Variants in CNTN2 observed in about 807,000 individuals in gnomAD.
The protein encoded by CNTN2 is contactin-2.
Under a neutral mutation model 117.5 loss-of-function variants are expected in CNTN2, and 53 were observed. The ratio of observed to expected loss-of-function variants is 0.45; its 90% CI spans 0.36 to 0.57. CNTN2 has a LOEUF of 0.57. Ranked by LOEUF, CNTN2 falls within the 20% of genes least tolerant of loss-of-function variation. The pLI, the probability that CNTN2 is intolerant of heterozygous loss-of-function variation, is 0.00. For missense variants in CNTN2, 1,106 were observed against 1,404.3 expected, an observed-to-expected ratio of 0.79 and a Z score of 3.39; for synonymous variants, 530 against 561.7, an observed-to-expected ratio of 0.94 and a Z score of 0.80.
At position 205,065,696 on chromosome 1, in the gene CNTN2, G is replaced by T; in HGVS notation, c.1696-93G>T. ...GGGGTCCATGGATGTCATGGAGTAGGGGACTCCCAAGCGCTGCCTCATGTC... is the reference window on the plus strand; with the variant it reads ...GGGGTCCATGGATGTCATGGAGTAGTGGACTCCCAAGCGCTGCCTCATGTC... On this transcript the variant is annotated intron_variant, in intron 13 of 22. Transcript: ENST00000331830. The surrounding 1 kb of genome is among the most constrained non-coding windows in gnomAD (Gnocchi z 4.1). The T allele has an allele frequency of 1.3e-6, 2 of 1,584,536 alleles. No individual in the cohort carries two copies.
At chr1:205,069,607 C>T (rs775838812) in intron 17 of CNTN2, 46 bp downstream of exon 17, 1 of 1,587,276 alleles carries the variant, frequency 6.3e-7, no homozygotes, top group Non-Finnish European at 8.6e-7. Flanking sequence ...CCTGACCCCT[C>T]TCCCGCTTGA....
chr1:205,053,306 T>C, intron 2 of CNTN2, 51 bp downstream of exon 2: 2 of 1,456,080 alleles, frequency 1.4e-6, no homozygotes, highest in Non-Finnish European at 1.9e-6. Context: ...ATTATAGTGT[T>C]ATATCCTTGC....
chr1:205,051,837 G>T (rs2096453514), intron 1 of CNTN2, among the ~76,000 whole-genome samples: 1 of 152,160 alleles, frequency 6.6e-6, no homozygotes. Flanking sequence ...TGTGAGACAG[G>T]GCAGATCCTG....
At chr1:205,062,314 G>C in intron 9 of CNTN2, 126 bp from the exon 10 acceptor site, 1 of 1,312,572 alleles carries the variant, frequency 7.6e-7, no homozygotes, top group Non-Finnish European at 1.0e-6. Flanking sequence ...GGTAGGACTG[G>C]ACATATAAGC....
In CNTN2 at chr1:205,074,295, CTG is replaced by C. The variant is rs1021082740; in HGVS notation, c.*532_*533del. 1.2e-4 allele frequency: 48 copies of C among 404,182 alleles called. No individual in the cohort carries two copies. Among genetic ancestry groups the C allele is most frequent in the Non-Finnish European group, 1.8e-4 (42 of 229,036 alleles). 25.0% of individuals were successfully genotyped at this position (404,182 alleles called of 1,614,324 possible). ...TCGAGCAGCAGCAAGGACCCTGACGCTGTCCCCGATAACTCCCTAGGGGCTCC... is the reference window on the plus strand; with the variant it reads ...TCGAGCAGCAGCAAGGACCCTGACGCTCCCCGATAACTCCCTAGGGGCTCC... On this transcript the variant is annotated 3_prime_UTR_variant, in exon 23 of 23. Transcript: ENST00000331830.
In CNTN2 at chr1:205,069,841, G is replaced by A. The variant is rs535139472; in HGVS notation, c.2211G>A (p.Glu737=). The A allele has an allele frequency of 1.9e-6, 3 of 1,613,752 alleles. No individual in the cohort carries two copies. The highest frequency in any genetic ancestry group is 2.2e-5 in the East Asian group (1 of 44,870). ...LIVNWTPMSR[E]YQNGDGFGYL... Reference sequence around the variant, plus strand: ...TTGCCCCTCAGCCCATGTCACGGGAGTACCAGAACGGAGACGGCTTCGGCT... The same window carrying A: ...TTGCCCCTCAGCCCATGTCACGGGAATACCAGAACGGAGACGGCTTCGGCT... The change falls in exon 18 of 23, where the codon GAG becomes GAA. Residue 737 remains glutamate, a synonymous_variant. Coordinates refer to ENST00000331830, the MANE Select transcript of CNTN2 (RefSeq NM_005076.5).
rs752064350 is a variant in CNTN2 at position 205,062,020 on chromosome 1, C to G, written c.1110+19C>G. ...CTCCCAGGTAGGAGACATGGGGCTT[C>G]CCCCGACACATCACAACTGTCCTCT... On this transcript the variant is annotated intron_variant, in intron 9 of 22. Coordinates refer to ENST00000331830, the MANE Select transcript of CNTN2 (RefSeq NM_005076.5). The G allele has an allele frequency of 3.1e-6, 5 of 1,610,750 alleles. No homozygotes were observed. The African/African-American group carries it at 6.7e-5, about 22-fold the overall frequency.
At chr1:205,044,004 C>T (rs1052584585) in intron 1 of CNTN2, among the ~76,000 whole-genome samples, 8 of 152,150 alleles carry the variant, frequency 5.3e-5, no homozygotes, top group Non-Finnish European at 2.9e-5. Flanking sequence ...AGGCCAGTCA[C>T]ATCCCAAAGG....
At position 205,074,475 on chromosome 1, in the gene CNTN2, C is replaced by G; in HGVS notation, c.*710C>G. Reference sequence around the variant, plus strand: ...GGCCCTTGGTGGAAAGGGGCACCAGCCTTGGTCTGAGATAGTCACAACCCA... The same window carrying G: ...GGCCCTTGGTGGAAAGGGGCACCAGGCTTGGTCTGAGATAGTCACAACCCA... On this transcript the variant is annotated 3_prime_UTR_variant, in exon 23 of 23. Transcript: ENST00000331830. 5.0e-6 allele frequency: 2 copies of G among 398,478 alleles called. No homozygotes were observed. The highest frequency in any genetic ancestry group is 1.4e-4 in the South Asian group (1 of 7,104). 24.7% of individuals were successfully genotyped at this position (398,478 alleles called of 1,614,324 possible).
rs1276033358 is a variant in CNTN2, at chr1:205,066,569, C to T, written c.1945C>T (p.Pro649Ser). 1.2e-6 allele frequency: 2 copies of T among 1,614,082 alleles called. No homozygotes were observed. The highest frequency in any genetic ancestry group is 1.7e-5 in the Admixed American group (1 of 60,028). ...AKYTLQARTP[P>S]AGKWKQVRTN... The stretch of plus-strand genomic sequence containing the variant: ...GTACACCCTGCAAGCTCGCACTCCA[C>T]CTGCAGGGAAGTGGAAGCAGGTTCG... The change falls in exon 15 of 23, where the codon CCT (proline) becomes TCT (serine). Residue 649 changes from proline (P) to serine (S), a missense_variant. By Grantham distance (74) the Pro-to-Ser change is moderately conservative. Transcript: ENST00000331830.
At position 205,058,241 on chromosome 1, in the gene CNTN2, G is replaced by A. The variant is rs1290910019; in HGVS notation, c.276G>A (p.Gly92=). 2 of 1,559,694 alleles carry A rather than the reference G, an allele frequency of 1.3e-6. No homozygotes were observed. The highest frequency in any genetic ancestry group is 1.7e-6 in the Non-Finnish European group (2 of 1,154,132). The part of the protein sequence containing the change: ...LEPGSRHQLV[G]GNLVIMNPTK... ...CAGGTTCCCGTCACCAGCTGGTGGG[G>A]GGCAACCTGGTCATCATGAACCCCA... The change falls in exon 4 of 23, where the codon GGG becomes GGA. Residue 92 remains glycine, a synonymous_variant. Transcript: ENST00000331830. The surrounding 1 kb of genome is among the most constrained non-coding windows in gnomAD (Gnocchi z 4.3).
In CNTN2 at chr1:205,067,139, G is replaced by A. The variant is rs1421329941; in HGVS notation, c.2014G>A (p.Val672Met). 3.7e-6 allele frequency: 6 copies of A among 1,613,932 alleles called. No individual in the cohort carries two copies. The highest frequency in any genetic ancestry group is 5.1e-6 in the Non-Finnish European group (6 of 1,179,962). Residue 672 changes from valine (V) to methionine (M), a missense_variant, in exon 16 of 23, where the codon GTG (valine) becomes ATG (methionine). By Grantham distance (21) the Val-to-Met change is conservative (BLOSUM62 1). Transcript: ENST00000331830. ...NIEGNAETAQVLGLTPWMDYE... is the reference protein window; with the variant it reads ...NIEGNAETAQMLGLTPWMDYE... ...CGAGGGCAATGCCGAGACTGCACAG[G>A]TGCTGGGCCTCACCCCCTGGATGGA...
At chr1:205,066,635 G>T in intron 15 of CNTN2, 36 bp downstream of exon 15, 1 of 1,608,036 alleles carries the variant, frequency 6.2e-7, no homozygotes, top group South Asian at 1.1e-5. Context: ...GTGCTGATAA[G>T]GCTCGACTGG....
rs1301871669 is a variant in CNTN2, at chr1:205,073,394, G to A, written c.3013+158G>A. 5.0e-5 allele frequency: 46 copies of A among 919,576 alleles called. No homozygotes were observed. Among genetic ancestry groups the A allele is most frequent in the South Asian group, 4.4e-4 (26 of 58,480 alleles). The allele number at this position is 919,576 out of a possible 1,614,324, so 57.0% of individuals were successfully genotyped here. A position where few individuals can be genotyped will look rare whatever the true frequency, so the allele number is the denominator to read the frequency against. On this transcript the variant is annotated intron_variant, in intron 22 of 22. Coordinates refer to ENST00000331830, the MANE Select transcript of CNTN2 (RefSeq NM_005076.5). The surrounding 1 kb of genome is among the most constrained non-coding windows in gnomAD (Gnocchi z 6.3). ...TGCAAAGTAGTCTTAGAACTGCCTCGCCGCCACCTTTCTACCCAGCCCCCA... is the reference window on the plus strand; with the variant it reads ...TGCAAAGTAGTCTTAGAACTGCCTCACCGCCACCTTTCTACCCAGCCCCCA...
In CNTN2 at chr1:205,059,436, A is replaced by AGGATTTGAAGCAGG; in HGVS notation, c.697+143_697+144insGGATTTGAAGCAGG. The AGGATTTGAAGCAGG allele has an allele frequency of 8.6e-7, 1 of 1,159,236 alleles. No homozygotes were observed. Among genetic ancestry groups the AGGATTTGAAGCAGG allele is most frequent in the Non-Finnish European group, 1.3e-6 (1 of 796,566 alleles). The allele number at this position is 1,159,236 out of a possible 1,614,324, so 71.8% of individuals were successfully genotyped here. On this transcript the variant is annotated intron_variant, in intron 6 of 22. Transcript: ENST00000331830. This position sits in a 1 kb window ranked among gnomAD's most constrained non-coding sequence, Gnocchi z 5.6. ...CTGGACCCCCAGATCCTCCTGCTTC[A>AGGATTTGAAGCAGG]AATCCTGAGGCCCTTGCCCCAGGCC...
chr1:205,066,459 G>A lies in CNTN2; in HGVS notation c.1835G>A (p.Gly612Glu). ...GGTGCAGGTCCGCCAGGTCCCCCAG[G>A]AGGTGTGGTGGTGAGGGACATTGGC... is the stretch of plus-strand genomic sequence containing the variant. ...VLVRGPPGPP[G>E]GVVVRDIGDT... Residue 612 changes from glycine (G) to glutamate (E), a missense_variant, in exon 15 of 23, where the codon GGA becomes GAA. By Grantham distance (98) the Gly-to-Glu change is moderately conservative. Transcript: ENST00000331830. 1 of 1,614,038 alleles carries A rather than the reference G, an allele frequency of 6.2e-7. No individual in the cohort carries two copies.
intron 2 of CNTN2, among the ~76,000 whole-genome samples, chr1:205,053,715 T>C (rs1429910809): frequency 1.3e-5 from 2 of 152,322 alleles, no homozygotes; most frequent in East Asian, 1.9e-4. Context: ...GCACACAGCA[T>C]AGAACATTTC....
rs377487667 is a variant in CNTN2, at chr1:205,062,476, T to C, written c.1147T>C (p.Ser383Pro). ...VEVLAGDLRF[S>P]KLSLEDSGMY... Reference sequence around the variant, plus strand: ...GGTGTTGGCTGGGGACCTGCGGTTCTCCAAGCTGAGCCTGGAAGACTCGGG... The same window carrying C: ...GGTGTTGGCTGGGGACCTGCGGTTCCCCAAGCTGAGCCTGGAAGACTCGGG... Residue 383 changes from serine to proline, a missense_variant, in exon 10 of 23, where the codon TCC (serine) becomes CCC (proline). Ser to Pro is a moderately conservative substitution (Grantham distance 74). Transcript: ENST00000331830. 8.7e-5 allele frequency: 140 copies of C among 1,613,952 alleles called. No individual in the cohort carries two copies. Among genetic ancestry groups the C allele is most frequent in the Non-Finnish European group, 1.2e-4 (138 of 1,179,984 alleles).
At position 205,066,492 on chromosome 1, in the gene CNTN2, C is replaced by G. The variant is rs751585167; in HGVS notation, c.1868C>G (p.Thr623Ser). The change falls in exon 15 of 23, where the codon ACC becomes AGC. Residue 623 changes from threonine to serine, a missense_variant. Physicochemically the swap from Thr to Ser is moderately conservative, Grantham distance 58. Coordinates refer to ENST00000331830, the MANE Select transcript of CNTN2 (RefSeq NM_005076.5). ...GVVVRDIGDT[T>S]IQLSWSRGFD... is the part of the protein sequence containing the mutation. ...GTGGTGAGGGACATTGGCGACACCA[C>G]CATCCAGCTCAGCTGGAGCCGTGGC... 8 of 1,614,088 alleles carry G rather than the reference C, an allele frequency of 5.0e-6. No individual in the cohort carries two copies. In the South Asian group the frequency reaches 8.8e-5, roughly 18 times the overall value.
Sources: gnomAD v4.1 joint callset for allele counts (sites outside exome capture counted in the v4.1 genomes callset) on GRCh38, gnomAD v4.1.1 for gene constraint, Gnocchi (gnomAD v3.1) non-coding constraint, MANE v1.5 for transcripts, NCBI Gene and HGNC (gene_info 2026-07-23, HGNC 2026-07-21) for gene names.